TMF1: variants seen among roughly 807,000 people sequenced by gnomAD.
TMF1 encodes the protein TATA element modulatory factor.
TMF1 carries 71 observed loss-of-function variants against 126.5 expected under a neutral mutation model. The observed-to-expected ratio is 0.56, with a 90% confidence interval of 0.46 to 0.68. The LOEUF is 0.68. TMF1 is among the 30% of genes least tolerant of loss of function. The pLI, the probability that TMF1 is intolerant of heterozygous loss-of-function variation, is 0.00. For missense variants in TMF1, 1,259 were observed against 1,253.2 expected, an observed-to-expected ratio of 1.00 and a Z score of -0.07; for synonymous variants, 461 against 430.5, an observed-to-expected ratio of 1.07 and a Z score of -0.88.
In TMF1 at chr3:69,048,149, C is replaced by G; in HGVS notation, c.556G>C (p.Asp186His). 6.2e-7 allele frequency: 1 copy of G among 1,614,174 alleles called. No homozygotes were observed. The highest frequency in any genetic ancestry group is 8.5e-7 in the Non-Finnish European group (1 of 1,180,028). ...KHEETVNKES[D>H]MKVPTVSLKV... ...AAACTTACAGTTGGCACCTTCATATCCGATTCTTTATTAACAGTTTCTTCG... is the reference window on the plus strand; with the variant it reads ...AAACTTACAGTTGGCACCTTCATATGCGATTCTTTATTAACAGTTTCTTCG... The change falls in exon 2 of 17, where the codon GAT becomes CAT. Residue 186 changes from aspartate to histidine, a missense_variant. Transcript: ENST00000398559.
chr3:69,043,935 A>C (rs1426962359), intron 3 of TMF1, 59 bp from the exon 4 acceptor site: 2 of 1,372,748 alleles, frequency 1.5e-6, no homozygotes, highest in Admixed American at 4.6e-5. Context: ...AAAGGTATAC[A>C]TGAGTTCAAT....
intron 11 of TMF1, 121 bp from the exon 12 acceptor site, chr3:69,028,416 T>A (rs1046615364): frequency 1.6e-6 from 1 of 619,824 alleles, no homozygotes; most frequent in South Asian, 2.4e-5. Flanking sequence ...TATTACCAGC[T>A]TGACATCAGT....
At chr3:69,034,860 G>C (rs773193492) in intron 9 of TMF1, 163 bp downstream of exon 9, 8 of 639,638 alleles carry the variant, frequency 1.3e-5, no homozygotes, top group Non-Finnish European at 2.0e-5. Flanking sequence ...TAATTTTTAA[G>C]GTGCCCACTC....
intron 8 of TMF1, 161 bp from the exon 9 acceptor site, chr3:69,035,276 G>A (rs942283113): frequency 3.3e-6 from 2 of 603,000 alleles, no homozygotes; most frequent in African/African-American, 3.7e-5. Context: ...CATTCATCAA[G>A]CAATTCTAAA....
At chr3:69,041,117 G>A (rs773059425) in intron 5 of TMF1, among the ~76,000 whole-genome samples, 6 of 151,940 alleles carry the variant, frequency 3.9e-5, no homozygotes, top group African/African-American at 9.7e-5. Flanking sequence ...AATAACATTC[G>A]ATATTAATAT....
In TMF1 at chr3:69,026,043, T is replaced by A; in HGVS notation, c.2812A>T (p.Ile938Leu). The change falls in exon 14 of 17, where the codon ATA (isoleucine) becomes TTA (leucine). Residue 938 changes from isoleucine to leucine, a missense_variant. Ile to Leu is a conservative substitution (Grantham distance 5). Coordinates refer to ENST00000398559, the MANE Select transcript of TMF1 (RefSeq NM_007114.3). ...AGTCCTGCCATATCAACACCACTTA[T>A]TGAACTTGAGCGTGACATGGTGGGA... ...STPTMSRSSS[I>L]SGVDMAGLQT... 1 of 1,614,136 alleles carries A rather than the reference T, an allele frequency of 6.2e-7. No homozygotes were observed. The highest frequency in any genetic ancestry group is 8.5e-7 in the Non-Finnish European group (1 of 1,180,006).
At position 69,021,139 on chromosome 3, in the gene TMF1, C is replaced by T. The variant is rs1303936328; in HGVS notation, c.*2038G>A. 1.3e-5 allele frequency: 2 copies of T among 152,236 alleles called. No homozygotes were observed. Among genetic ancestry groups the T allele is most frequent in the Non-Finnish European group, 2.9e-5 (2 of 68,022 alleles). The allele number at this position is 152,236 out of a possible 1,614,324, so 9.4% of individuals were successfully genotyped here. Reference sequence around the variant, plus strand: ...AGACAGACATATCACATTTACATCACTTTTATTACAGTGCACTGTTATAAT... The same window carrying T: ...AGACAGACATATCACATTTACATCATTTTTATTACAGTGCACTGTTATAAT... On this transcript the variant is annotated 3_prime_UTR_variant, in exon 17 of 17. Coordinates refer to ENST00000398559, the MANE Select transcript of TMF1 (RefSeq NM_007114.3).
chr3:69,044,048 A>G (rs1203533822), intron 3 of TMF1, among the ~76,000 whole-genome samples, 172 bp from the exon 4 acceptor site: 1 of 152,224 alleles, frequency 6.6e-6, no homozygotes, highest in Non-Finnish European at 1.5e-5. Context: ...TCCCTTGTTA[A>G]ATTTATTTTA....
In TMF1 at chr3:69,030,042, A is replaced by G. The variant is rs941297282; in HGVS notation, c.2402-35T>C. The G allele has an allele frequency of 2.5e-6, 4 of 1,570,770 alleles. No individual in the cohort carries two copies. The African/African-American group carries it at 5.5e-5, about 22-fold the overall frequency. On this transcript the variant is annotated intron_variant, in intron 10 of 16. Coordinates refer to ENST00000398559, the MANE Select transcript of TMF1 (RefSeq NM_007114.3). Reference sequence around the variant, plus strand: ...GGACAGAAAAAAAAATCACATACACATACAGCCCAGAGACCAAAATACCAA... The same window carrying G: ...GGACAGAAAAAAAAATCACATACACGTACAGCCCAGAGACCAAAATACCAA...
intron 1 of TMF1, among the ~76,000 whole-genome samples, chr3:69,051,675 C>T (rs1401954297): frequency 6.6e-6 from 1 of 152,048 alleles, no homozygotes; most frequent in Non-Finnish European, 1.5e-5. Flanking sequence ...AGGGCAAGAC[C>T]AACCAACCAA....
rs2091764588 is a variant in TMF1 at position 69,025,878 on chromosome 3, G to A, written c.2859+118C>T. ...CACTAAAATTAGCACTCCTCCACAA[G>A]TATTCAGATGAATTACCCATAGAAT... On this transcript the variant is annotated intron_variant, in intron 14 of 16. Coordinates refer to ENST00000398559, the MANE Select transcript of TMF1 (RefSeq NM_007114.3). 4 of 1,108,292 alleles carry A rather than the reference G, an allele frequency of 3.6e-6. No homozygotes were observed. The Admixed American group carries it at 7.4e-5, about 20-fold the overall frequency. 68.7% of individuals were successfully genotyped at this position (1,108,292 alleles called of 1,614,324 possible).
Position 69,037,858 on chromosome 3 carries a change from C to T in TMF1, c.2151+706G>A, listed in dbSNP as rs997933617. 1.1e-4 allele frequency among the ~76,000 whole-genome samples: 16 copies of T among 151,550 alleles called. No homozygotes were observed. In the East Asian group the frequency reaches 2.9e-3, roughly 27 times the overall value. ...TGCAAATCAACACCATACTCAGTTACCACTTCACACACACTAAAAAGGCTA... is the reference window on the plus strand; with the variant it reads ...TGCAAATCAACACCATACTCAGTTATCACTTCACACACACTAAAAAGGCTA... On this transcript the variant is annotated intron_variant, in intron 8 of 16. Coordinates refer to ENST00000398559, the MANE Select transcript of TMF1 (RefSeq NM_007114.3).
At chr3:69,041,301 T>C (rs1575816922) in intron 5 of TMF1, among the ~76,000 whole-genome samples, 1 of 152,222 alleles carries the variant, frequency 6.6e-6, no homozygotes, top group East Asian at 1.9e-4. Flanking sequence ...ATTATCTGTG[T>C]TCCTATATTT....
chr3:69,027,859 A>G lies in TMF1; in HGVS notation c.2757+41T>C, dbSNP rs763090326. 6 of 1,071,314 alleles carry G rather than the reference A, an allele frequency of 5.6e-6. No homozygotes were observed. In the South Asian group the frequency reaches 8.2e-5, roughly 15 times the overall value. 66.4% of individuals were successfully genotyped at this position (1,071,314 alleles called of 1,614,324 possible). ...GCAATGATTAATCACAGCATCTACT[A>G]AATGGTTACACCACAAACAAACAAA... On this transcript the variant is annotated intron_variant, in intron 13 of 16. Coordinates refer to ENST00000398559, the MANE Select transcript of TMF1 (RefSeq NM_007114.3).
rs182086937 is a variant in TMF1, at chr3:69,044,345, T to A, written c.1451+147A>T. On this transcript the variant is annotated intron_variant, in intron 3 of 16. Transcript: ENST00000398559. Reference sequence around the variant, plus strand: ...AAAGACAATCAAAAGAGAAAAGTAATCTTTAGGGTTATAATTGAAAGCTAT... The same window carrying A: ...AAAGACAATCAAAAGAGAAAAGTAAACTTTAGGGTTATAATTGAAAGCTAT... The A allele has an allele frequency of 4.2e-5, 21 of 504,676 alleles. No homozygotes were observed. The East Asian group carries it at 6.5e-4, about 16-fold the overall frequency. The allele number at this position is 504,676 out of a possible 1,614,324, so 31.3% of individuals were successfully genotyped here. A position where few individuals can be genotyped will look rare whatever the true frequency, so the allele number is the denominator to read the frequency against.
rs752114256 is a variant in TMF1 at position 69,052,252 on chromosome 3, G to A, written c.-166C>T. On this transcript the variant is annotated 5_prime_UTR_variant, in exon 1 of 17. Transcript: ENST00000398559. ...CCCGCGAGCCCGGGATGTTACCCTC[G>A]GCCGTTCCCGCACAGCTGAGACGAA... 5 of 701,552 alleles carry A rather than the reference G, an allele frequency of 7.1e-6. No homozygotes were observed. Among genetic ancestry groups the A allele is most frequent in the Non-Finnish European group, 1.1e-5 (5 of 450,076 alleles). The allele number at this position is 701,552 out of a possible 1,614,324, so 43.5% of individuals were successfully genotyped here.
Position 69,047,718 on chromosome 3 carries a change from A to G in TMF1, c.987T>C (p.Phe329=). 6.2e-7 allele frequency: 1 copy of G among 1,614,142 alleles called. No homozygotes were observed. Among genetic ancestry groups the G allele is most frequent in the Non-Finnish European group, 8.5e-7 (1 of 1,180,018 alleles). The stretch of plus-strand genomic sequence containing the variant: ...TCCGGCTATCTAATGACTGTACACT[A>G]AATGAGTCTATTCTTTCAAAAGCAT... The part of the protein sequence containing the change: ...SSDAFERIDS[F]SVQSLDSRSV... The change falls in exon 2 of 17, where the codon TTT becomes TTC. Residue 329 remains phenylalanine (F), a synonymous_variant. Transcript: ENST00000398559.
rs1559627467 is a variant in TMF1, at chr3:69,023,236, C to T, written c.3223G>A (p.Asp1075Asn). 1 of 1,611,366 alleles carries T rather than the reference C, an allele frequency of 6.2e-7. No individual in the cohort carries two copies. Among genetic ancestry groups the T allele is most frequent in the Non-Finnish European group, 8.5e-7 (1 of 1,178,250 alleles). The change falls in exon 17 of 17, where the codon GAT becomes AAT. Residue 1075 changes from aspartate (D) to asparagine (N), a missense_variant. By Grantham distance (23) the Asp-to-Asn change is conservative (BLOSUM62 1). Coordinates refer to ENST00000398559, the MANE Select transcript of TMF1 (RefSeq NM_007114.3). Reference sequence around the variant, plus strand: ...TGAGTTTTGTACATATTTTTTACATCTTCGAGATCTAATCGAAGTTCTTCT... The same window carrying T: ...TGAGTTTTGTACATATTTTTTACATTTTCGAGATCTAATCGAAGTTCTTCT... ...EAEELRLDLE[D>N]VKNMYKTQID...
At chr3:69,029,729 C>T (rs1217786410) in intron 11 of TMF1, 86 bp downstream of exon 11, 10 of 1,327,794 alleles carry the variant, frequency 7.5e-6, no homozygotes, top group East Asian at 2.4e-5. Flanking sequence ...GCGTGAGCCA[C>T]GGCGCCCGGC....
Sources: gnomAD v4.1 joint callset for allele counts (sites outside exome capture counted in the v4.1 genomes callset) on GRCh38, gnomAD v4.1.1 for gene constraint, MANE v1.5 for transcripts, NCBI Gene and HGNC (gene_info 2026-07-23, HGNC 2026-07-21) for gene names.